ZNF148: variants seen among roughly 807,000 people sequenced by gnomAD.
ZNF148 encodes zinc finger protein 148.
In ZNF148, 7 loss-of-function variants were observed where a neutral mutation model predicts 67.7. The ratio of observed to expected loss-of-function variants is 0.10; its 90% CI spans 0.06 to 0.19. ZNF148 has a LOEUF of 0.19. Among genes scored for constraint, ZNF148 ranks in the 10% least tolerant of loss-of-function variants. The probability of loss-of-function intolerance (pLI) is 1.00; values close to 1 mark genes in which losing one functional copy is unlikely to be tolerated. For synonymous variants in ZNF148, 333 were observed against 330.7 expected (o/e 1.01, Z -0.08); for missense variants, 583 against 947.1 (o/e 0.62, Z 5.05).
Position 125,229,570 on chromosome 3 carries a change from T to C in ZNF148, c.*2771A>G, listed in dbSNP as rs1935769732. On this transcript the variant is annotated 3_prime_UTR_variant, in exon 9 of 9. Coordinates refer to ENST00000360647, the MANE Select transcript of ZNF148 (RefSeq NM_021964.3). ...AGAGATACTGCCTCGCCTAACGTGA[T>C]GTTTCCAATCTTCAAACGTGAGTAG... 1 of 152,158 alleles carries C rather than the reference T, an allele frequency of 6.6e-6. No individual in the cohort carries two copies. The highest frequency in any genetic ancestry group is 2.4e-5 in the African/African-American group (1 of 41,448). 9.4% of individuals were successfully genotyped at this position (152,158 alleles called of 1,614,324 possible). A position where few individuals can be genotyped will look rare whatever the true frequency, so the allele number is the denominator to read the frequency against.
At position 125,226,068 on chromosome 3, in the gene ZNF148, G is replaced by A. The variant is rs1486907611; in HGVS notation, c.*6273C>T. ...AGAAATCCCACGTATGCTGACAGTG[G>A]GTTAACAGAGTCTTATCTGTAAAGA... is the stretch of plus-strand genomic sequence containing the variant. On this transcript the variant is annotated 3_prime_UTR_variant, in exon 9 of 9. Transcript: ENST00000360647. 1 of 152,560 alleles carries A rather than the reference G, an allele frequency of 6.6e-6. No individual in the cohort carries two copies. Among genetic ancestry groups the A allele is most frequent in the Non-Finnish European group, 1.5e-5 (1 of 68,024 alleles). 9.5% of individuals were successfully genotyped at this position (152,560 alleles called of 1,614,324 possible). A position where few individuals can be genotyped will look rare whatever the true frequency, so the allele number is the denominator to read the frequency against.
chr3:125,331,070 T>C (rs1193431387), intron 2 of ZNF148, 88 bp downstream of exon 2: 2 of 398,096 alleles, frequency 5.0e-6, no homozygotes, highest in East Asian at 3.6e-5. Context: ...TGCACACTTA[T>C]ACCCAACAGT....
intron 4 of ZNF148, among the ~76,000 whole-genome samples, chr3:125,291,510 T>C (rs1226796240): frequency 6.6e-6 from 1 of 152,170 alleles, no homozygotes; most frequent in African/African-American, 2.4e-5. Flanking sequence ...TCACTCATCT[T>C]CCAACCCAGT....
chr3:125,374,499 T>G (rs1380084583), intron 1 of ZNF148, among the ~76,000 whole-genome samples: 3 of 151,988 alleles, frequency 2.0e-5, no homozygotes, highest in Non-Finnish European at 4.4e-5. Context: ...ATCTGCACAA[T>G]GAACACCCCC....
intron 7 of ZNF148, among the ~76,000 whole-genome samples, chr3:125,235,435 G>A (rs971705124): frequency 3.9e-5 from 6 of 152,104 alleles, no homozygotes; most frequent in East Asian, 1.9e-4. Context: ...CCTGATTCAC[G>A]CTGCTCCTTC....
chr3:125,327,821 A>C (rs993062320), intron 2 of ZNF148, among the ~76,000 whole-genome samples: 1 of 152,242 alleles, frequency 6.6e-6, no homozygotes, highest in Non-Finnish European at 1.5e-5. Flanking sequence ...ATGAAAATGA[A>C]AACAAATATC....
chr3:125,250,660 T>G (rs745442786), intron 7 of ZNF148, among the ~76,000 whole-genome samples: 2 of 152,248 alleles, frequency 1.3e-5, no homozygotes, highest in Non-Finnish European at 2.9e-5. Context: ...TCCAGGTAGA[T>G]GACAGCAGTT....
intron 7 of ZNF148, among the ~76,000 whole-genome samples, chr3:125,250,776 A>G (rs1447938867): frequency 6.6e-6 from 1 of 152,176 alleles, no homozygotes; most frequent in Admixed American, 6.5e-5. Context: ...TCAAGACAAT[A>G]TATTTATCTT....
Position 125,263,994 on chromosome 3 carries a change from C to T in ZNF148, c.667+13732G>A, listed in dbSNP as rs905355423. On this transcript the variant is annotated intron_variant, in intron 7 of 8. Transcript: ENST00000360647. ...ACATTACTAACCTCCATAAAAGCCC[C>T]TAAGTAATGAGGTTCTGAGAGCTTC... Among the ~76,000 whole-genome samples, 7 of 152,198 alleles carry T rather than the reference C, an allele frequency of 4.6e-5. No homozygotes were observed. In the South Asian group the frequency reaches 6.2e-4, roughly 14 times the overall value.
intron 4 of ZNF148, among the ~76,000 whole-genome samples, chr3:125,309,416 A>G (rs563215335): frequency 6.6e-6 from 1 of 152,364 alleles, no homozygotes; most frequent in Non-Finnish European, 1.5e-5. Flanking sequence ...GAAAAATCAC[A>G]AGAAAGAGAC....
chr3:125,331,626 TTTC>T (rs1941295025), intron 1 of ZNF148, among the ~76,000 whole-genome samples: 1 of 152,228 alleles, frequency 6.6e-6, no homozygotes, highest in Non-Finnish European at 1.5e-5. Context: ...TATAGCACTA[TTTC>T]TTGATAAACT....
At chr3:125,295,281 C>T (rs1215524846) in intron 4 of ZNF148, among the ~76,000 whole-genome samples, 2 of 151,854 alleles carry the variant, frequency 1.3e-5, no homozygotes, top group Admixed American at 6.6e-5. Context: ...GGTGAAACCC[C>T]GTCTCTACTA....
Position 125,233,499 on chromosome 3 carries a change from T to C in ZNF148, c.1227A>G (p.Gln409=). Residue 409 remains glutamine, a synonymous_variant, in exon 9 of 9, where the codon CAA becomes CAG. Coordinates refer to ENST00000360647, the MANE Select transcript of ZNF148 (RefSeq NM_021964.3). The surrounding 1 kb of genome is among the most constrained non-coding windows in gnomAD (Gnocchi z 5.1). The part of the protein sequence containing the change: ...RSLKQPLEQN[Q]TISPLSTYEE... ...CATATGTGGATAAAGGTGAAATTGT[T>C]TGATTTTGCTCCAGTGGCTGTTTCA... The C allele has an allele frequency of 6.2e-7, 1 of 1,613,930 alleles. No homozygotes were observed. The highest frequency in any genetic ancestry group is 8.5e-7 in the Non-Finnish European group (1 of 1,179,934).
intron 1 of ZNF148, among the ~76,000 whole-genome samples, chr3:125,336,371 T>C (rs1219401781): frequency 6.6e-6 from 1 of 152,224 alleles, no homozygotes; most frequent in East Asian, 1.9e-4. Context: ...ACTTTTATGA[T>C]TTAATGAGCC....
chr3:125,310,401 A>G (rs548868181), intron 4 of ZNF148, among the ~76,000 whole-genome samples: 1 of 152,238 alleles, frequency 6.6e-6, no homozygotes, highest in Admixed American at 6.5e-5. Flanking sequence ...CTTAACAGAA[A>G]TTTTAAAATA....
At chr3:125,294,400 A>C (rs1206598269) in intron 4 of ZNF148, among the ~76,000 whole-genome samples, 1 of 152,244 alleles carries the variant, frequency 6.6e-6, no homozygotes, top group Non-Finnish European at 1.5e-5. Context: ...TGACAACTGT[A>C]CCATACGGTT....
chr3:125,372,609 G>A (rs1044664431), intron 1 of ZNF148, among the ~76,000 whole-genome samples: 1 of 152,210 alleles, frequency 6.6e-6, no homozygotes, highest in Non-Finnish European at 1.5e-5. Context: ...AAGTGGAACT[G>A]CAATAGGCAG....
chr3:125,321,079 T>A (rs1940750151), intron 3 of ZNF148, among the ~76,000 whole-genome samples: 1 of 152,308 alleles, frequency 6.6e-6, no homozygotes, highest in Admixed American at 6.5e-5. Flanking sequence ...AACTACTTCA[T>A]CTCTTATTAA....
intron 1 of ZNF148, among the ~76,000 whole-genome samples, chr3:125,374,877 C>G (rs1486989967): frequency 6.6e-6 from 1 of 151,904 alleles, no homozygotes; most frequent in African/African-American, 2.4e-5. Context: ...CGTCATTATC[C>G]CTCCTCAACC....
Sources: gnomAD v4.1 joint callset for allele counts (sites outside exome capture counted in the v4.1 genomes callset) on GRCh38, gnomAD v4.1.1 for gene constraint, Gnocchi (gnomAD v3.1) non-coding constraint, MANE v1.5 for transcripts, NCBI Gene and HGNC (gene_info 2026-07-23, HGNC 2026-07-21) for gene names.